The following SHROOM2 variants were observed in gnomAD, a reference collection of about 807,000 sequenced individuals.
SHROOM2 encodes shroom family member 2, also known as protein Shroom2.
In SHROOM2, 33 loss-of-function variants were observed where a neutral mutation model predicts 75.9. That is an observed-to-expected ratio of 0.43 (90% CI 0.33 to 0.58). The LOEUF (loss-of-function observed/expected upper bound fraction) is 0.58, where lower values mean the gene tolerates loss of function less well. SHROOM2 is among the 20% of genes least tolerant of loss of function. The pLI is 0.04. For missense variants in SHROOM2, 1,434 were observed against 1,461.2 expected, an observed-to-expected ratio of 0.98 and a Z score of 0.30; for synonymous variants, 655 against 663.6, an observed-to-expected ratio of 0.99 and a Z score of 0.20.
At chrX:9,821,728 C>T (rs190312779) in intron 1 of SHROOM2, among the ~76,000 whole-genome samples, 3 of 111,954 alleles carry the variant, frequency 2.7e-5, no homozygotes, top group Non-Finnish European at 3.8e-5. Flanking sequence ...TATGCAAATG[C>T]TTCAAATGCT....
Position 9,894,239 on chromosome X carries a change from GA to G in SHROOM2, c.450-116del, listed in dbSNP as rs1327354282. On this transcript the variant is annotated intron_variant, in intron 3 of 9. Transcript: ENST00000380913. Reference sequence around the variant, plus strand: ...CTCAGCCTCAGCAACATCACCGTGGGAAATTACTGTTTGGCATTTTGGTATT... The same window carrying G: ...CTCAGCCTCAGCAACATCACCGTGGGAATTACTGTTTGGCATTTTGGTATT... The G allele has an allele frequency of 6.2e-6, 4 of 644,053 alleles. 1 individual carries two copies. The highest frequency in any genetic ancestry group is 7.0e-5 in the East Asian group (2 of 28,663). The allele number at this position is 644,053 out of a possible 1,213,427, so 53.1% of individuals were successfully genotyped here.
At chrX:9,810,970 G>C (rs1055929684) in intron 1 of SHROOM2, among the ~76,000 whole-genome samples, 1 of 111,768 alleles carries the variant, frequency 8.9e-6, no homozygotes, top group South Asian at 3.8e-4. Context: ...GAGTGCCTTA[G>C]AGGCGATGCT....
chrX:9,946,860 C>G lies in SHROOM2; in HGVS notation c.4774C>G (p.Leu1592Val). 8.3e-7 allele frequency: 1 copy of G among 1,198,407 alleles called. No individual in the cohort carries two copies. Among genetic ancestry groups the G allele is most frequent in the Non-Finnish European group, 1.1e-6 (1 of 888,324 alleles). The change falls in exon 10 of 10, where the codon CTG becomes GTG. Residue 1592 changes from leucine to valine, a missense_variant. Around this residue, in one of 3 missense-constraint regions of SHROOM2, gnomAD observed 80 missense variants for 88.4 expected, o/e 0.90. Transcript: ENST00000380913. ...KSALIIEQRE[L>V]EDKIHLGEEQ... ...GGCCCTCATCATCGAGCAGCGGGAG[C>G]TGGAAGATAAAATCCACCTTGGTGA...
At position 9,786,665 on chromosome X, in the gene SHROOM2, C is replaced by T; in HGVS notation, c.120C>T (p.Thr40=). ...QLSGGAPWGF[T]LKGGREHGEP... Reference sequence around the variant, plus strand: ...GCGGCGGCGCCCCGTGGGGCTTCACCCTGAAGGGCGGCCGCGAGCACGGCG... The same window carrying T: ...GCGGCGGCGCCCCGTGGGGCTTCACTCTGAAGGGCGGCCGCGAGCACGGCG... The change falls in exon 1 of 10, where the codon ACC becomes ACT. Residue 40 remains threonine (T), a synonymous_variant. Transcript: ENST00000380913. 5.6e-6 allele frequency: 5 copies of T among 889,338 alleles called. No homozygotes were observed. The highest frequency in any genetic ancestry group is 6.9e-6 in the Non-Finnish European group (5 of 724,934). 73.3% of individuals were successfully genotyped at this position (889,338 alleles called of 1,213,427 possible). A position where few individuals can be genotyped will look rare whatever the true frequency, so the allele number is the denominator to read the frequency against.
chrX:9,800,724 C>T (rs1309701588), intron 1 of SHROOM2, among the ~76,000 whole-genome samples: 3 of 109,505 alleles, frequency 2.7e-5, no homozygotes, highest in Non-Finnish European at 5.7e-5. Flanking sequence ...AATGATAAAT[C>T]ACTGTAACCT....
At chrX:9,824,931 AC>A (rs1289038126) in intron 1 of SHROOM2, among the ~76,000 whole-genome samples, 2 of 110,433 alleles carry the variant, frequency 1.8e-5, no homozygotes, top group Non-Finnish European at 3.8e-5. Context: ...TCTCCCTGGG[AC>A]CCCCATCTCG....
At chrX:9,803,801 G>A (rs1290503636) in intron 1 of SHROOM2, among the ~76,000 whole-genome samples, 1 of 111,543 alleles carries the variant, frequency 9.0e-6, no homozygotes, top group Non-Finnish European at 1.9e-5. Context: ...TTTCTCCTGT[G>A]CATGCAGTAT....
chrX:9,857,922 T>C (rs1188956797), intron 1 of SHROOM2, among the ~76,000 whole-genome samples: 1 of 110,808 alleles, frequency 9.0e-6, no homozygotes, highest in Admixed American at 9.6e-5. Flanking sequence ...TGCTCGAGGC[T>C]GTAGACCCCA....
chrX:9,864,780 C>T (rs2084124861), intron 1 of SHROOM2, among the ~76,000 whole-genome samples: 1 of 107,620 alleles, frequency 9.3e-6, no homozygotes, highest in Admixed American at 9.9e-5. Flanking sequence ...AGCCGAGATC[C>T]CGCCACTGCA....
chrX:9,880,033 A>G (rs901470038), intron 2 of SHROOM2, among the ~76,000 whole-genome samples: 6 of 112,409 alleles, frequency 5.3e-5, no homozygotes, highest in African/African-American at 1.3e-4. Flanking sequence ...CCAGTTTGCT[A>G]TTGGCTTGGA....
chrX:9,846,859 T>G (rs1028913115), intron 1 of SHROOM2, among the ~76,000 whole-genome samples: 5 of 112,281 alleles, frequency 4.5e-5, no homozygotes, highest in Non-Finnish European at 9.4e-5. Flanking sequence ...AGAGAATTCC[T>G]TGTTTTCCCA....
Position 9,937,417 on chromosome X carries a change from G to A in SHROOM2, c.3871G>A (p.Glu1291Lys), listed in dbSNP as rs374843987. The change falls in exon 7 of 10, where the codon GAG (glutamate) becomes AAG (lysine). Residue 1291 changes from glutamate (E) to lysine (K), a missense_variant. By Grantham distance (56) the Glu-to-Lys change is moderately conservative. This residue lies in a region of SHROOM2 where 1,340 missense variants were observed against 1,338.3 expected (regional missense o/e 1.00). Coordinates refer to ENST00000380913, the MANE Select transcript of SHROOM2 (RefSeq NM_001649.4). The part of the protein sequence containing the change: ...PQPLGTQVPP[E>K]KDRCTSPPGL... ...GCCCCTGGGCACCCAGGTGCCCCCC[G>A]AGAAAGACCGCTGCACCTCCCCTCC... 34 of 1,208,309 alleles carry A rather than the reference G, an allele frequency of 2.8e-5. No homozygotes were observed. The highest frequency in any genetic ancestry group is 1.8e-4 in the South Asian group (10 of 56,406).
intron 2 of SHROOM2, among the ~76,000 whole-genome samples, chrX:9,880,199 T>C (rs991933136): frequency 8.9e-6 from 1 of 112,682 alleles, no homozygotes; most frequent in African/African-American, 3.2e-5. Context: ...CAAGGGCCCC[T>C]GGGATCACGT....
intron 1 of SHROOM2, among the ~76,000 whole-genome samples, chrX:9,794,504 G>A (rs1339794865): frequency 9.0e-6 from 1 of 110,968 alleles, no homozygotes; most frequent in Non-Finnish European, 1.9e-5. Flanking sequence ...TGAGTAGCTG[G>A]GATTACAGGC....
At chrX:9,787,933 G>A (rs1206798123) in intron 1 of SHROOM2, among the ~76,000 whole-genome samples, 2 of 109,412 alleles carry the variant, frequency 1.8e-5, no homozygotes, top group South Asian at 3.9e-4. Context: ...ACTCTGCCCA[G>A]CCAGAACACT....
At chrX:9,853,982 A>G (rs1482271407) in intron 1 of SHROOM2, among the ~76,000 whole-genome samples, 4 of 112,000 alleles carry the variant, frequency 3.6e-5, no homozygotes, top group African/African-American at 1.3e-4. Context: ...AAGGCTCGTT[A>G]GTCTGGTTTG....
intron 1 of SHROOM2, among the ~76,000 whole-genome samples, chrX:9,840,826 A>G (rs5933762): frequency 0.095 from 10,652 of 112,007 alleles, 413 homozygotes; most frequent in African/African-American, 0.16. Context: ...ATACTTTTAT[A>G]TAATATAGAA....
At chrX:9,890,930 G>A (rs369692385) in intron 2 of SHROOM2, 47 bp from the exon 3 acceptor site, 28 of 1,149,463 alleles carry the variant, frequency 2.4e-5, no homozygotes, top group Non-Finnish European at 3.1e-5. Context: ...GAGAGTGAGC[G>A]CTGTGTGCAG....
At chrX:9,887,785 G>T in intron 2 of SHROOM2, among the ~76,000 whole-genome samples, 1 of 112,982 alleles carries the variant, frequency 8.9e-6, no homozygotes, top group Non-Finnish European at 1.9e-5. Flanking sequence ...ACTGTGCTAG[G>T]GTTGCAGGCA....
Sources: allele counts gnomAD v4.1 joint callset (sites outside exome capture counted in the v4.1 genomes callset), GRCh38; gene constraint gnomAD v4.1.1; regional missense constraint gnomAD v4.1.1; transcripts MANE v1.5; gene names NCBI Gene and HGNC (gene_info 2026-07-23, HGNC 2026-07-21).